TMTC2: variants seen among roughly 807,000 people sequenced by gnomAD.
TMTC2 encodes the protein transmembrane O-mannosyltransferase targeting cadherins 2.
A neutral mutation model predicts 82.4 loss-of-function variants in TMTC2; 43 were observed. The observed-to-expected ratio is 0.52, with a 90% CI of 0.41 to 0.67. The LOEUF (loss-of-function observed/expected upper bound fraction) is 0.67. Among genes scored for constraint, TMTC2 ranks in the 30% least tolerant of loss-of-function variants. TMTC2 has a pLI of 0.00. For synonymous variants in TMTC2, 408 were observed against 381.9 expected, an observed-to-expected ratio of 1.07 and a Z score of -0.80; for missense variants, 919 against 1,012.4, an observed-to-expected ratio of 0.91 and a Z score of 1.25.
intron 11 of TMTC2, among the ~76,000 whole-genome samples, chr12:83,079,284 A>G (rs1883385336): frequency 1.3e-5 from 2 of 152,030 alleles, no homozygotes; most frequent in African/African-American, 2.4e-5. Context: ...TTATTTCTTG[A>G]TTATATTTAT....
Position 82,687,300 on chromosome 12 carries a change from C to T in TMTC2, c.-287C>T. The T allele has an allele frequency of 4.0e-6, 2 of 504,998 alleles. No homozygotes were observed. Among genetic ancestry groups the T allele is most frequent in the East Asian group, 3.6e-5 (1 of 27,776 alleles). The allele number at this position is 504,998 out of a possible 1,614,324, so 31.3% of individuals were successfully genotyped here. ...GCGCGAAAGACCAGCCCTGCGCTTC[C>T]GCCGGGGGACGCGGAGCCCAAACGC... On this transcript the variant is annotated 5_prime_UTR_variant, in exon 1 of 12. Transcript: ENST00000321196.
intron 10 of TMTC2, 58 bp from the exon 11 acceptor site, chr12:83,061,710 A>T (rs1416824202): frequency 7.0e-7 from 1 of 1,421,492 alleles, no homozygotes; most frequent in Non-Finnish European, 9.4e-7. Flanking sequence ...CTGCACAGTG[A>T]TCCTATTTGT....
intron 1 of TMTC2, among the ~76,000 whole-genome samples, chr12:82,835,330 A>C (rs913441258): frequency 1.3e-4 from 20 of 152,094 alleles, no homozygotes; most frequent in African/African-American, 4.8e-4. Context: ...TTGATGTCTA[A>C]ATTTGCACTG....
chr12:82,981,170 GTCT>G (rs761358019), intron 7 of TMTC2, among the ~76,000 whole-genome samples: 1 of 151,760 alleles, frequency 6.6e-6, no homozygotes, highest in Non-Finnish European at 1.5e-5. Context: ...AATTACTTTT[GTCT>G]TCTTTTCTTA....
intron 4 of TMTC2, among the ~76,000 whole-genome samples, chr12:82,947,174 A>T (rs1182889080): frequency 1.3e-5 from 2 of 152,122 alleles, no homozygotes; most frequent in Non-Finnish European, 2.9e-5. Context: ...ATTGTGTTTG[A>T]GTGTGTCCCC....
intron 11 of TMTC2, among the ~76,000 whole-genome samples, chr12:83,063,601 G>T (rs899512897): frequency 6.6e-6 from 1 of 151,794 alleles, no homozygotes; most frequent in Non-Finnish European, 1.5e-5. Flanking sequence ...CAAACTAAAT[G>T]GAATCACACT....
rs1025682327 is a variant in TMTC2, at chr12:82,939,413, C to T, written c.1598+8868C>T. 3.3e-5 allele frequency among the ~76,000 whole-genome samples: 5 copies of T among 151,974 alleles called. No homozygotes were observed. In the East Asian group the frequency reaches 7.7e-4, roughly 23 times the overall value. ...AATTTAAGCCCTCTGTATTTTGTGTCTCTCTGAAAATGACCATTTGCAGCC... is the reference window on the plus strand; with the variant it reads ...AATTTAAGCCCTCTGTATTTTGTGTTTCTCTGAAAATGACCATTTGCAGCC... On this transcript the variant is annotated intron_variant, in intron 4 of 11. Coordinates refer to ENST00000321196, the MANE Select transcript of TMTC2 (RefSeq NM_152588.3).
intron 1 of TMTC2, among the ~76,000 whole-genome samples, chr12:82,725,849 C>T (rs754139112): frequency 5.9e-5 from 9 of 152,102 alleles, no homozygotes; most frequent in Non-Finnish European, 5.9e-5. Context: ...AGGAAATGTT[C>T]GGATTAAGAT....
At chr12:82,794,537 G>A (rs1565753217) in intron 1 of TMTC2, among the ~76,000 whole-genome samples, 1 of 151,996 alleles carries the variant, frequency 6.6e-6, no homozygotes, top group Non-Finnish European at 1.5e-5. Context: ...TTTTTTAACA[G>A]CATCTATGGT....
chr12:82,929,187 C>G (rs771694403), intron 3 of TMTC2, among the ~76,000 whole-genome samples: 1 of 151,776 alleles, frequency 6.6e-6, no homozygotes, highest in Non-Finnish European at 1.5e-5. Context: ...TCTGTGGGCT[C>G]AAGCGATCAT....
intron 1 of TMTC2, among the ~76,000 whole-genome samples, chr12:82,745,490 A>G (rs1367196453): frequency 6.6e-6 from 1 of 152,222 alleles, no homozygotes; most frequent in Non-Finnish European, 1.5e-5. Context: ...AGCCTGTTGT[A>G]AATGCCACAG....
At chr12:82,851,380 C>T (rs370687819) in intron 1 of TMTC2, among the ~76,000 whole-genome samples, 1 of 152,160 alleles carries the variant, frequency 6.6e-6, no homozygotes, top group East Asian at 1.9e-4. Context: ...CATGCCACTG[C>T]ACTCCAGCCT....
chr12:82,965,835 T>C (rs1395067240), intron 6 of TMTC2, 91 bp downstream of exon 6: 1 of 1,414,706 alleles, frequency 7.1e-7, no homozygotes, highest in Non-Finnish European at 9.9e-7. Flanking sequence ...TGAGCCTATG[T>C]CCTTTGAACA....
chr12:82,981,226 C>T (rs950378978), intron 7 of TMTC2, among the ~76,000 whole-genome samples: 5 of 151,952 alleles, frequency 3.3e-5, no homozygotes, highest in African/African-American at 1.2e-4. Flanking sequence ...GAAATCTATA[C>T]TGTCTTAATA....
chr12:82,930,861 A>G (rs1016626225), intron 4 of TMTC2, among the ~76,000 whole-genome samples: 1 of 152,146 alleles, frequency 6.6e-6, no homozygotes, highest in East Asian at 1.9e-4. Context: ...TGAGTTCATA[A>G]AATAAGCCTG....
chr12:82,921,324 G>A (rs1405787634), intron 3 of TMTC2, among the ~76,000 whole-genome samples: 1 of 152,076 alleles, frequency 6.6e-6, no homozygotes, highest in East Asian at 1.9e-4. Context: ...TACTTAGGAG[G>A]CTTAACCTCA....
chr12:83,046,882 A>G (rs977263832), intron 9 of TMTC2, among the ~76,000 whole-genome samples: 1 of 152,196 alleles, frequency 6.6e-6, no homozygotes, highest in African/African-American at 2.4e-5. Context: ...CTTCAGCATA[A>G]TTAATACTCC....
chr12:83,061,236 C>T (rs1407188632), intron 10 of TMTC2, among the ~76,000 whole-genome samples: 1 of 151,670 alleles, frequency 6.6e-6, no homozygotes, highest in Non-Finnish European at 1.5e-5. Flanking sequence ...TGTCCAAAGT[C>T]CAAGGGGACA....
chr12:82,711,169 C>T (rs906814254), intron 1 of TMTC2, among the ~76,000 whole-genome samples: 3 of 152,170 alleles, frequency 2.0e-5, no homozygotes, highest in African/African-American at 7.2e-5. Flanking sequence ...TGGGCTTTCA[C>T]CTCTGTAAAC....
Sources: gnomAD v4.1 joint callset for allele counts (sites outside exome capture counted in the v4.1 genomes callset) on GRCh38, gnomAD v4.1.1 for gene constraint, MANE v1.5 for transcripts, NCBI Gene and HGNC (gene_info 2026-07-23, HGNC 2026-07-21) for gene names.